Variants in NOL4 observed in about 807,000 individuals in gnomAD.
NOL4 encodes the protein nucleolar protein 4, also known as cancer/testis antigen 125.
A neutral mutation model predicts 75.9 loss-of-function variants in NOL4; 17 were observed. That is an observed-to-expected ratio of 0.22 (90% confidence interval 0.15 to 0.34). The LOEUF is 0.34. NOL4 is among the 10% of genes least tolerant of loss of function. The pLI is 1.00. For missense variants in NOL4, 614 were observed against 793.5 expected (o/e 0.77, Z 2.72); for synonymous variants, 292 against 289.9 (o/e 1.01, Z -0.07).
chr18:33,874,478 T>C (rs569314941), intron 10 of NOL4, among the ~76,000 whole-genome samples: 3 of 152,082 alleles, frequency 2.0e-5, no homozygotes, highest in South Asian at 4.1e-4. Flanking sequence ...CTCATTTGGA[T>C]ACAGTGAAGA....
intron 7 of NOL4, 92 bp from the exon 8 acceptor site, chr18:33,957,609 T>C: frequency 1.9e-6 from 2 of 1,027,282 alleles, no homozygotes; most frequent in Non-Finnish European, 2.8e-6. Flanking sequence ...AGGAAAATAC[T>C]GTTTTCTGGT....
chr18:33,895,259 G>A (rs901283734), intron 9 of NOL4, among the ~76,000 whole-genome samples: 1 of 152,008 alleles, frequency 6.6e-6, no homozygotes, highest in African/African-American at 2.4e-5. Flanking sequence ...CTAGCAAGAA[G>A]TAACTAGATG....
At position 34,213,603 on chromosome 18, in the gene NOL4, G is replaced by T. The variant is rs534622209; in HGVS notation, c.264+9387C>A. Among the ~76,000 whole-genome samples the T allele has an allele frequency of 2.3e-4, 35 of 152,220 alleles. 2 individuals are homozygous for T. The highest frequency in any genetic ancestry group is 8.2e-4 in the African/African-American group (34 of 41,546). On this transcript the variant is annotated intron_variant, in intron 1 of 10. Coordinates refer to ENST00000261592, the MANE Select transcript of NOL4 (RefSeq NM_003787.5). ...GCGCATGGCCTCTGTTCTTATGAAT[G>T]AATTAATGTCATGATCTCTGGAGTG... is the stretch of plus-strand genomic sequence containing the variant.
At chr18:34,123,364 A>T (rs1013821593) in intron 2 of NOL4, among the ~76,000 whole-genome samples, 1 of 151,568 alleles carries the variant, frequency 6.6e-6, no homozygotes, top group Non-Finnish European at 1.5e-5. Flanking sequence ...TAATCTGAAT[A>T]ATATTCAGTA....
intron 9 of NOL4, among the ~76,000 whole-genome samples, chr18:33,931,939 AT>A (rs1255798573): frequency 6.6e-6 from 1 of 151,962 alleles, no homozygotes; most frequent in Non-Finnish European, 1.5e-5. Flanking sequence ...AATCAAGAAA[AT>A]ATTGTACTAT....
intron 1 of NOL4, among the ~76,000 whole-genome samples, chr18:34,215,463 G>A (rs2036820152): frequency 6.6e-6 from 1 of 152,088 alleles, no homozygotes; most frequent in South Asian, 2.1e-4. Context: ...AGAATCTGAT[G>A]GCTTCAAGAA....
chr18:33,977,735 T>C (rs1355357750), intron 6 of NOL4, among the ~76,000 whole-genome samples: 2 of 152,208 alleles, frequency 1.3e-5, no homozygotes, highest in Non-Finnish European at 1.5e-5. Context: ...AAATATATTC[T>C]TAAATTAAAT....
Position 33,954,703 on chromosome 18 carries a change from T to A in NOL4, c.1428+2623A>T, listed in dbSNP as rs1310007105. On this transcript the variant is annotated intron_variant, in intron 8 of 10. Coordinates refer to ENST00000261592, the MANE Select transcript of NOL4 (RefSeq NM_003787.5). ...ATCCAGGGCAAATAAGAACAAGACTTTTCCTCTGTAAAGTCACCAGAGAAT... is the reference window on the plus strand; with the variant it reads ...ATCCAGGGCAAATAAGAACAAGACTATTCCTCTGTAAAGTCACCAGAGAAT... Among the ~76,000 whole-genome samples, 4 of 152,028 alleles carry A rather than the reference T, an allele frequency of 2.6e-5. No homozygotes were observed. In the East Asian group the frequency reaches 7.7e-4, roughly 29 times the overall value.
At chr18:34,104,852 ACTGT>A (rs1042154405) in intron 3 of NOL4, among the ~76,000 whole-genome samples, 193 bp downstream of exon 3, 23 of 152,006 alleles carry the variant, frequency 1.5e-4, no homozygotes, top group African/African-American at 5.6e-4. Context: ...CACAGCTGAA[ACTGT>A]CTTTCTTCTA....
chr18:34,006,692 A>T (rs1169837549), intron 6 of NOL4, among the ~76,000 whole-genome samples: 1 of 152,070 alleles, frequency 6.6e-6, no homozygotes, highest in Admixed American at 6.6e-5. Flanking sequence ...CTCAATTTAC[A>T]GCAAAATAAG....
chr18:33,855,119 A>G (rs1567960003), intron 10 of NOL4, among the ~76,000 whole-genome samples: 1 of 152,070 alleles, frequency 6.6e-6, no homozygotes, highest in African/African-American at 2.4e-5. Flanking sequence ...TGCATAAACC[A>G]AAACCATAAG....
chr18:34,123,109 A>C (rs1427988723), intron 2 of NOL4, among the ~76,000 whole-genome samples: 1 of 150,998 alleles, frequency 6.6e-6, no homozygotes, highest in Non-Finnish European at 1.5e-5. Flanking sequence ...TCTTTGGATA[A>C]GCTCTTACGT....
Position 34,223,047 on chromosome 18 carries a change from C to T in NOL4, c.207G>A (p.Glu69=), listed in dbSNP as rs1198603365. The change falls in exon 1 of 11, where the codon GAG becomes GAA. Residue 69 remains glutamate (E), a synonymous_variant. Transcript: ENST00000261592. ...TGGCGCCGCCGCCTCCCCCGCGGAC[C>T]TCGTCCGGCTGGCCCAGCTGGAAGC... The part of the protein sequence containing the change: ...SKGFQLGQPD[E]VRGGGGGAKQ... 1 of 1,613,764 alleles carries T rather than the reference C, an allele frequency of 6.2e-7. No homozygotes were observed. The highest frequency in any genetic ancestry group is 1.3e-5 in the African/African-American group (1 of 75,064).
chr18:34,139,383 A>G (rs910874332), intron 1 of NOL4, among the ~76,000 whole-genome samples: 3 of 152,110 alleles, frequency 2.0e-5, no homozygotes, highest in Non-Finnish European at 2.9e-5. Flanking sequence ...CAGAGATTCA[A>G]CTTCTTCCTG....
intron 10 of NOL4, among the ~76,000 whole-genome samples, chr18:33,860,381 C>T (rs1214603120): frequency 6.6e-6 from 1 of 152,122 alleles, no homozygotes; most frequent in African/African-American, 2.4e-5. Flanking sequence ...CAGCATTAAC[C>T]CAAAAGTCCA....
intron 1 of NOL4, among the ~76,000 whole-genome samples, chr18:34,157,743 TGAG>T (rs1321252889): frequency 2.6e-5 from 4 of 151,816 alleles, no homozygotes; most frequent in Non-Finnish European, 5.9e-5. Flanking sequence ...TCAAGGAAAA[TGAG>T]AAGTTAGATC....
chr18:34,067,340 C>T (rs1424078354), intron 5 of NOL4, among the ~76,000 whole-genome samples: 1 of 152,056 alleles, frequency 6.6e-6, no homozygotes, highest in African/African-American at 2.4e-5. Context: ...TGTAGCTATG[C>T]CATTTACAGG....
At chr18:34,141,532 C>G (rs1011815156) in intron 1 of NOL4, among the ~76,000 whole-genome samples, 21 of 152,124 alleles carry the variant, frequency 1.4e-4, no homozygotes, top group African/African-American at 4.6e-4. Flanking sequence ...TAATACCACA[C>G]ATCTACAACC....
intron 1 of NOL4, chr18:34,222,188 G>A: frequency 6.8e-7 from 1 of 1,468,462 alleles, no homozygotes; most frequent in Non-Finnish European, 9.0e-7. Context: ...GTGCCTCGCG[G>A]CGCCTGGGCT....
Sources: allele counts gnomAD v4.1 joint callset (sites outside exome capture counted in the v4.1 genomes callset), GRCh38; gene constraint gnomAD v4.1.1; transcripts MANE v1.5; gene names NCBI Gene and HGNC (gene_info 2026-07-23, HGNC 2026-07-21).